PHLPP1: variants seen among roughly 807,000 people sequenced by gnomAD.
PHLPP1 encodes PH domain and leucine rich repeat protein phosphatase 1, also known as PH domain leucine-rich repeat-containing protein phosphatase 1.
A neutral mutation model predicts 117.2 loss-of-function variants in PHLPP1; 42 were observed. The observed-to-expected ratio is 0.36, with a 90% confidence interval of 0.28 to 0.46. The LOEUF (loss-of-function observed/expected upper bound fraction) is 0.46, where lower values mean the gene tolerates loss of function less well. PHLPP1 is among the 20% of genes least tolerant of loss of function. The pLI, the probability that PHLPP1 is intolerant of heterozygous loss-of-function variation, is 1.00. For missense variants in PHLPP1, 2,084 were observed against 2,241.9 expected, an observed-to-expected ratio of 0.93 and a Z score of 1.42; for synonymous variants, 1,042 against 970.7, an observed-to-expected ratio of 1.07 and a Z score of -1.37.
intron 6 of PHLPP1, 91 bp from the exon 7 acceptor site, chr18:62,902,873 G>A: frequency 2.6e-6 from 2 of 758,664 alleles, no homozygotes; most frequent in Non-Finnish European, 4.4e-6. Context: ...AGAGAGAACT[G>A]AGTTCTTTCT....
rs112311053 is a variant in PHLPP1 at position 62,871,544 on chromosome 18, T to C, written c.2066+10943T>C. 3.0e-3 allele frequency among the ~76,000 whole-genome samples: 458 copies of C among 152,098 alleles called. 4 individuals carry two copies. Among genetic ancestry groups the C allele is most frequent in the African/African-American group, 0.011 (438 of 41,480 alleles). ...AGTTTCACCATGTCGGCCAGTCTGGTCACCAACTCCTGACCTCAGGTGATC... is the reference window on the plus strand; with the variant it reads ...AGTTTCACCATGTCGGCCAGTCTGGCCACCAACTCCTGACCTCAGGTGATC... On this transcript the variant is annotated intron_variant, in intron 4 of 16. Coordinates refer to ENST00000262719, the MANE Select transcript of PHLPP1 (RefSeq NM_194449.4).
At chr18:62,955,728 A>G (rs1311476506) in intron 12 of PHLPP1, among the ~76,000 whole-genome samples, 1 of 152,142 alleles carries the variant, frequency 6.6e-6, no homozygotes, top group Non-Finnish European at 1.5e-5. Context: ...CTGTAGAAAA[A>G]ATTTTTACCA....
At chr18:62,795,536 C>T (rs1913607401) in intron 1 of PHLPP1, among the ~76,000 whole-genome samples, 1 of 150,908 alleles carries the variant, frequency 6.6e-6, no homozygotes, top group Non-Finnish European at 1.5e-5. Context: ...TTGTAAAAAC[C>T]ATTCTTAACT....
rs759498720 is a variant in PHLPP1, at chr18:62,979,104, G to A, written c.4827G>A (p.Lys1609=). Residue 1609 remains lysine, a synonymous_variant, in exon 17 of 17, where the codon AAG becomes AAA. Coordinates refer to ENST00000262719, the MANE Select transcript of PHLPP1 (RefSeq NM_194449.4). The part of the protein sequence containing the change: ...ANEDEPGLPR[K]ADFSAVGTIG... ...AGGATGAGCCAGGTCTGCCCAGGAA[G>A]GCAGACTTCTCTGCCGTTGGGACCA... The A allele has an allele frequency of 5.0e-6, 8 of 1,613,946 alleles. No individual in the cohort carries two copies. The highest frequency in any genetic ancestry group is 6.8e-6 in the Non-Finnish European group (8 of 1,179,880).
At chr18:62,890,529 G>T (rs964779550) in intron 4 of PHLPP1, among the ~76,000 whole-genome samples, 1 of 152,164 alleles carries the variant, frequency 6.6e-6, no homozygotes, top group Non-Finnish European at 1.5e-5. Context: ...GCCTCCCAAA[G>T]TGCTGGGATT....
At chr18:62,959,978 A>G (rs577816037) in intron 13 of PHLPP1, among the ~76,000 whole-genome samples, 7 of 152,308 alleles carry the variant, frequency 4.6e-5, no homozygotes, top group Admixed American at 1.3e-4. Flanking sequence ...GTCCACACCT[A>G]TAAGATGAGA....
In PHLPP1 at chr18:62,787,267, A is replaced by G. The variant is rs562576235; in HGVS notation, c.1577-42768A>G. Among the ~76,000 whole-genome samples the G allele has an allele frequency of 7.2e-5, 11 of 152,202 alleles. No homozygotes were observed. In the South Asian group the frequency reaches 2.3e-3, roughly 32 times the overall value. On this transcript the variant is annotated intron_variant, in intron 1 of 16. Coordinates refer to ENST00000262719, the MANE Select transcript of PHLPP1 (RefSeq NM_194449.4). ...CCCACTGCAACCTCCACCTCCTGTA[A>G]ATGATTCTCCTGCCTCAGCCTCACG...
chr18:62,749,832 A>G (rs1022974899), intron 1 of PHLPP1, among the ~76,000 whole-genome samples: 1 of 152,194 alleles, frequency 6.6e-6, no homozygotes, highest in Non-Finnish European at 1.5e-5. Flanking sequence ...CCTGGCCAAC[A>G]TGGTGAAACC....
chr18:62,945,452 A>C (rs523478), intron 12 of PHLPP1, among the ~76,000 whole-genome samples, 181 bp downstream of exon 12: 64,195 of 152,032 alleles, frequency 0.42, 13,757 homozygotes, highest in East Asian at 0.64. Context: ...GAGTTAAAAA[A>C]CAAAGCAAAA....
At chr18:62,942,022 T>A in intron 11 of PHLPP1, 104 bp downstream of exon 11, 3 of 910,216 alleles carry the variant, frequency 3.3e-6, no homozygotes, top group Non-Finnish European at 5.1e-6. Context: ...GTCAAGTTTG[T>A]TTGCTTGTTC....
rs1369652569 is a variant in PHLPP1, at chr18:62,849,827, A to AT, written c.1900-10608_1900-10607insT. 3.1e-3 allele frequency among the ~76,000 whole-genome samples: 290 copies of AT among 93,622 alleles called. 17 individuals carry two copies. The highest frequency in any genetic ancestry group is 4.9e-3 in the African/African-American group (117 of 23,856). 61.4% of individuals were successfully genotyped at this position (93,622 alleles called of 152,430 possible). A position where few individuals can be genotyped will look rare whatever the true frequency, so the allele number is the denominator to read the frequency against. The stretch of plus-strand genomic sequence containing the variant: ...AAAAAAAAAAAAAAAAAAAAAAAAA[A>AT]AAAAAATATATATATCCTTTAAAGT... On this transcript the variant is annotated intron_variant, in intron 3 of 16. Transcript: ENST00000262719.
chr18:62,826,948 C>T (rs1289293887), intron 1 of PHLPP1, among the ~76,000 whole-genome samples: 1 of 151,936 alleles, frequency 6.6e-6, no homozygotes, highest in East Asian at 1.9e-4. Flanking sequence ...ATCAGTGAGC[C>T]GAGATCATGC....
intron 1 of PHLPP1, among the ~76,000 whole-genome samples, chr18:62,824,649 A>T (rs535883317): frequency 2.0e-5 from 3 of 152,324 alleles, no homozygotes; most frequent in South Asian, 2.1e-4. Flanking sequence ...CTGTAAAAAA[A>T]AGTGGAAGAT....
Position 62,947,184 on chromosome 18 carries a change from C to G in PHLPP1, c.3324+1913C>G, listed in dbSNP as rs189094952. 4.6e-3 allele frequency among the ~76,000 whole-genome samples: 705 copies of G among 152,362 alleles called. 4 individuals carry two copies. The highest frequency in any genetic ancestry group is 8.0e-3 in the Non-Finnish European group (543 of 68,038). The stretch of plus-strand genomic sequence containing the variant: ...CAGTTGGATCCCAGCTGAAAATTCA[C>G]TGCTCTGTTTCCTCGTATGTTAAAG... On this transcript the variant is annotated intron_variant, in intron 12 of 16. Coordinates refer to ENST00000262719, the MANE Select transcript of PHLPP1 (RefSeq NM_194449.4).
In PHLPP1 at chr18:62,730,848, C is replaced by T. The variant is rs75105296; in HGVS notation, c.1576+13589C>T. On this transcript the variant is annotated intron_variant, in intron 1 of 16. Transcript: ENST00000262719. ...TTTGTGAGATTCAGATTTGATGATA[C>T]GTGTGGAAGTGCTTTGTAAACTGTG... Among the ~76,000 whole-genome samples, 1,174 of 149,978 alleles carry T rather than the reference C, an allele frequency of 7.8e-3. 19 individuals carry two copies. The highest frequency in any genetic ancestry group is 0.028 in the African/African-American group (1,124 of 40,836).
chr18:62,960,698 G>A (rs1696070168), intron 13 of PHLPP1, among the ~76,000 whole-genome samples: 1 of 152,124 alleles, frequency 6.6e-6, no homozygotes, highest in African/African-American at 2.4e-5. Flanking sequence ...CCTCAAATTG[G>A]TGCTGCTGAA....
chr18:62,773,631 CA>C (rs1912863802), intron 1 of PHLPP1, among the ~76,000 whole-genome samples: 1 of 151,972 alleles, frequency 6.6e-6, no homozygotes, highest in Non-Finnish European at 1.5e-5. Flanking sequence ...TGTTGTTAAC[CA>C]AAATGTAGTG....
chr18:62,967,092 C>T (rs553360), intron 14 of PHLPP1, among the ~76,000 whole-genome samples: 3,286 of 152,236 alleles, frequency 0.022, 111 homozygotes, highest in African/African-American at 0.075. Context: ...AGTAGCATTC[C>T]ATAGCATGGA....
chr18:62,772,337 GT>G (rs1186926595), intron 1 of PHLPP1, among the ~76,000 whole-genome samples: 2 of 151,746 alleles, frequency 1.3e-5, no homozygotes, highest in African/African-American at 4.8e-5. Context: ...TTTCTGTTCT[GT>G]TTTCTTTATT....
Sources: gnomAD v4.1 joint callset for allele counts (sites outside exome capture counted in the v4.1 genomes callset) on GRCh38, gnomAD v4.1.1 for gene constraint, MANE v1.5 for transcripts, NCBI Gene and HGNC (gene_info 2026-07-23, HGNC 2026-07-21) for gene names.